IL18R1: variants seen among roughly 807,000 people sequenced by gnomAD.
IL18R1 encodes interleukin-18 receptor 1.
In IL18R1, 40 loss-of-function variants were observed where a neutral mutation model predicts 48.5. That is an observed-to-expected ratio of 0.82 (90% CI 0.64 to 1.07). The LOEUF is 1.07. IL18R1 is among the 50% of genes least tolerant of loss of function. The pLI is 0.00. For synonymous variants in IL18R1, 232 were observed against 225.9 expected (o/e 1.03, Z -0.24); for missense variants, 596 against 633.7 (o/e 0.94, Z 0.64).
chr2:102,383,844 G>T (rs1052460263), intron 6 of IL18R1, among the ~76,000 whole-genome samples: 1 of 152,030 alleles, frequency 6.6e-6, no homozygotes, highest in Non-Finnish European at 1.5e-5. Context: ...TGTTGAAAAT[G>T]ACCATATTTC....
chr2:102,394,359 A>G (rs1680709059), intron 9 of IL18R1, 110 bp from the exon 10 acceptor site: 1 of 792,188 alleles, frequency 1.3e-6, no homozygotes, highest in South Asian at 2.4e-5. Context: ...TTTATATATA[A>G]TTTGTTTTTT....
At chr2:102,372,307 A>G (rs1679313718) in intron 4 of IL18R1, among the ~76,000 whole-genome samples, 189 bp downstream of exon 4, 2 of 152,196 alleles carry the variant, frequency 1.3e-5, no homozygotes, top group African/African-American at 4.8e-5. Flanking sequence ...GTATTAAAAT[A>G]TGTTCCACAG....
intron 7 of IL18R1, among the ~76,000 whole-genome samples, chr2:102,385,482 C>T (rs1573221693): frequency 1.3e-5 from 2 of 152,304 alleles, no homozygotes; most frequent in African/African-American, 2.4e-5. Context: ...TCAGTCTAAA[C>T]ATATAGTCAC....
intron 4 of IL18R1, 103 bp from the exon 5 acceptor site, chr2:102,375,804 T>C (rs1037827094): frequency 2.7e-6 from 2 of 729,672 alleles, no homozygotes; most frequent in Non-Finnish European, 4.2e-6. Context: ...CTTTCCATTC[T>C]TTTTTCCTTT....
At chr2:102,378,668 G>T (rs566554433) in intron 5 of IL18R1, among the ~76,000 whole-genome samples, 3 of 152,306 alleles carry the variant, frequency 2.0e-5, no homozygotes, top group Admixed American at 1.3e-4. Context: ...GGAAAGGTTT[G>T]CACTGACTTC....
rs1680156122 is a variant in IL18R1 at position 102,385,128 on chromosome 2, G to T, written c.809+130G>T. 4 of 476,782 alleles carry T rather than the reference G, an allele frequency of 8.4e-6. No homozygotes were observed. The South Asian group carries it at 1.4e-4, about 17-fold the overall frequency. The allele number at this position is 476,782 out of a possible 1,614,324, so 29.5% of individuals were successfully genotyped here. A position where few individuals can be genotyped will look rare whatever the true frequency, so the allele number is the denominator to read the frequency against. ...GCTAGTTTAAATTATAATTATAATG[G>T]ACATATTTTATAATTATAGTGGCCA... is the stretch of plus-strand genomic sequence containing the variant. On this transcript the variant is annotated intron_variant, in intron 7 of 10. Transcript: ENST00000233957.
At chr2:102,380,359 T>C (rs1679847765) in intron 5 of IL18R1, among the ~76,000 whole-genome samples, 2 of 152,176 alleles carry the variant, frequency 1.3e-5, no homozygotes, top group Admixed American at 1.3e-4. Context: ...TGTAAGTTTC[T>C]GGGGGAAAAA....
intron 3 of IL18R1, among the ~76,000 whole-genome samples, chr2:102,370,520 A>G (rs1294552283): frequency 6.6e-6 from 1 of 152,204 alleles, no homozygotes; most frequent in Non-Finnish European, 1.5e-5. Flanking sequence ...CACTGCCTAT[A>G]ACTGTGACAA....
chr2:102,383,482 G>A (rs190418939), intron 6 of IL18R1, among the ~76,000 whole-genome samples: 1 of 152,142 alleles, frequency 6.6e-6, no homozygotes, highest in East Asian at 1.9e-4. Flanking sequence ...ATGCATACAC[G>A]GATTTATGCT....
chr2:102,360,543 A>G (rs1400520214), intron 1 of IL18R1, among the ~76,000 whole-genome samples: 4 of 152,196 alleles, frequency 2.6e-5, no homozygotes, highest in African/African-American at 7.2e-5. Context: ...GATTACAGGC[A>G]TGAGCCACTG....
chr2:102,385,253 T>C (rs1382033128), intron 7 of IL18R1, among the ~76,000 whole-genome samples: 1 of 152,204 alleles, frequency 6.6e-6, no homozygotes, highest in African/African-American at 2.4e-5. Flanking sequence ...CATCACCTTA[T>C]AAAGTAGCAC....
rs1680914889 is a variant in IL18R1 at position 102,398,111 on chromosome 2, G to A, written c.*1225G>A. On this transcript the variant is annotated 3_prime_UTR_variant, in exon 11 of 11. Transcript: ENST00000233957. Reference sequence around the variant, plus strand: ...GAAGGGAAGCAGATCTAGGGAGGAAGGCAGTTTTGATTTGAGGAGGTTTGC... The same window carrying A: ...GAAGGGAAGCAGATCTAGGGAGGAAAGCAGTTTTGATTTGAGGAGGTTTGC... 1 of 152,344 alleles carries A rather than the reference G, an allele frequency of 6.6e-6. No individual in the cohort carries two copies. Among genetic ancestry groups the A allele is most frequent in the Admixed American group, 6.5e-5 (1 of 15,278 alleles). 9.4% of individuals were successfully genotyped at this position (152,344 alleles called of 1,614,324 possible).
At chr2:102,370,435 A>G (rs1679184111) in intron 3 of IL18R1, among the ~76,000 whole-genome samples, 1 of 152,250 alleles carries the variant, frequency 6.6e-6, no homozygotes, top group African/African-American at 2.4e-5. Context: ...ACACTTGAGA[A>G]GAAGGTGCTG....
Position 102,396,649 on chromosome 2 carries a change from A to G in IL18R1, c.1389A>G (p.Ala463=). 1 of 1,613,196 alleles carries G rather than the reference A, an allele frequency of 6.2e-7. No homozygotes were observed. The highest frequency in any genetic ancestry group is 8.5e-7 in the Non-Finnish European group (1 of 1,179,132). The change falls in exon 11 of 11, where the codon GCA becomes GCG. Residue 463 remains alanine (A), a synonymous_variant. Coordinates refer to ENST00000233957, the MANE Select transcript of IL18R1 (RefSeq NM_003855.5). ...RYELESGLHE[A]LVERKIKIIL... is the part of the protein sequence containing the mutation. ...AACTTGAAAGTGGACTCCATGAAGC[A>G]TTGGTGGAAAGAAAAATTAAAATAA...
chr2:102,370,066 A>G (rs961141446), intron 3 of IL18R1, among the ~76,000 whole-genome samples: 5 of 152,208 alleles, frequency 3.3e-5, no homozygotes, highest in Non-Finnish European at 7.3e-5. Flanking sequence ...GTCTGTGGAC[A>G]AAAATGAGTG....
chr2:102,373,972 G>A (rs1313306337), intron 4 of IL18R1: 15 of 445,930 alleles, frequency 3.4e-5, no homozygotes, highest in Non-Finnish European at 4.5e-5. Context: ...CAAGCTCAGG[G>A]CTCCACTGAT....
intron 9 of IL18R1, among the ~76,000 whole-genome samples, chr2:102,390,788 C>T (rs1680517784): frequency 6.6e-6 from 1 of 151,990 alleles, no homozygotes; most frequent in African/African-American, 2.4e-5. Flanking sequence ...AAAAAATTAG[C>T]CGGGCGTGGT....
rs1433209554 is a variant in IL18R1 at position 102,397,551 on chromosome 2, A to C, written c.*665A>C. 1 of 152,388 alleles carries C rather than the reference A, an allele frequency of 6.6e-6. No homozygotes were observed. The highest frequency in any genetic ancestry group is 6.5e-5 in the Admixed American group (1 of 15,294). 9.4% of individuals were successfully genotyped at this position (152,388 alleles called of 1,614,324 possible). On this transcript the variant is annotated 3_prime_UTR_variant, in exon 11 of 11. Transcript: ENST00000233957. ...TATGGGAACTTCTTAAAAGGACCCC[A>C]GAATAGCTCTTTATCTTTCACAAGA...
Position 102,376,041 on chromosome 2 carries a change from C to T in IL18R1, c.603C>T (p.Thr201=), listed in dbSNP as rs1559624830. 1 of 1,593,304 alleles carries T rather than the reference C, an allele frequency of 6.3e-7. No individual in the cohort carries two copies. Among genetic ancestry groups the T allele is most frequent in the Admixed American group, 1.8e-5 (1 of 54,686 alleles). The change falls in exon 5 of 11, where the codon ACC becomes ACT. Residue 201 remains threonine (T), a synonymous_variant. Coordinates refer to ENST00000233957, the MANE Select transcript of IL18R1 (RefSeq NM_003855.5). ...GAAAACTATTTAATATCACCAAAAC[C>T]TTCAATATAACAATAGTGGAAGGTA... is the stretch of plus-strand genomic sequence containing the variant. ...HNGKLFNITK[T]FNITIVEDRS... is the part of the protein sequence containing the mutation.
Sources: allele counts gnomAD v4.1 joint callset (sites outside exome capture counted in the v4.1 genomes callset), GRCh38; gene constraint gnomAD v4.1.1; transcripts MANE v1.5; gene names NCBI Gene and HGNC (gene_info 2026-07-23, HGNC 2026-07-21).